The following RAVER1 variants were observed in gnomAD, a reference collection of about 807,000 sequenced individuals.
RAVER1 encodes the protein ribonucleoprotein PTB-binding 1.
In RAVER1, 36 loss-of-function variants were observed where a neutral mutation model predicts 68.4. That is an observed-to-expected ratio of 0.53 (90% CI 0.40 to 0.70). The LOEUF is 0.70. Ranked by LOEUF, RAVER1 falls within the 30% of genes least tolerant of loss-of-function variation. The pLI is 0.00. For synonymous variants in RAVER1, 469 were observed against 472.7 expected (o/e 0.99, Z 0.10); for missense variants, 933 against 1,019.8 (o/e 0.91, Z 1.16).
chr19:10,318,289 C>T lies in RAVER1; in HGVS notation c.1929G>A (p.Ser643=), dbSNP rs753160755. ...GGPLSHFYSG[S]PTSYFTSGLQ... Reference sequence around the variant, plus strand: ...GGCCGCTGGTGAAGTAGGAAGTGGGCGAGCCTGAATAGAAGTGAGACAGGG... The same window carrying T: ...GGCCGCTGGTGAAGTAGGAAGTGGGTGAGCCTGAATAGAAGTGAGACAGGG... Residue 643 remains serine (S), a synonymous_variant, in exon 11 of 13, where the codon TCG becomes TCA. Coordinates refer to ENST00000617231, the MANE Select transcript of RAVER1 (RefSeq NM_133452.3). 7.5e-6 allele frequency: 12 copies of T among 1,602,316 alleles called. No homozygotes were observed. Among genetic ancestry groups the T allele is most frequent in the South Asian group, 2.2e-5 (2 of 89,602 alleles).
chr19:10,325,830 G>A (rs2040470664), intron 3 of RAVER1, among the ~76,000 whole-genome samples: 1 of 152,064 alleles, frequency 6.6e-6, no homozygotes, highest in Non-Finnish European at 1.5e-5. Flanking sequence ...ATGTTCGAGT[G>A]GAGGAATGAA....
chr19:10,318,139 G>T (rs1296790397), intron 11 of RAVER1, 90 bp downstream of exon 11: 2 of 1,184,754 alleles, frequency 1.7e-6, no homozygotes, highest in Non-Finnish European at 2.4e-6. Flanking sequence ...GCTTTGGCCT[G>T]GGCACCGAGG....
Position 10,317,303 on chromosome 19 carries a change from T to C in RAVER1, c.*151A>G, listed in dbSNP as rs2040396895. On this transcript the variant is annotated 3_prime_UTR_variant, in exon 13 of 13. Coordinates refer to ENST00000617231, the MANE Select transcript of RAVER1 (RefSeq NM_133452.3). The surrounding 1 kb of genome is among the most constrained non-coding windows in gnomAD (Gnocchi z 4.3). ...GACTCCCCCACACCCCTTGGGCTCC[T>C]GGGGCTCCGGCTGATTGGTCAGTAA... 2.4e-6 allele frequency: 2 copies of C among 842,964 alleles called. No individual in the cohort carries two copies. Among genetic ancestry groups the C allele is most frequent in the East Asian group, 2.6e-5 (1 of 38,300 alleles). The allele number at this position is 842,964 out of a possible 1,614,324, so 52.2% of individuals were successfully genotyped here.
rs377411099 is a variant in RAVER1, at chr19:10,323,531, G to A, written c.792C>T (p.Phe264=). 73 of 1,603,764 alleles carry A rather than the reference G, an allele frequency of 4.6e-5. No individual in the cohort carries two copies. The highest frequency in any genetic ancestry group is 6.7e-5 in the East Asian group (3 of 44,772). ...ACGQDGQLKG[F]AVLEYETAEM... Reference sequence around the variant, plus strand: ...CAGCCGTCTCATACTCCAGCACCGCGAAGCCCTTCAGCTGCCCATCCTGGC... The same window carrying A: ...CAGCCGTCTCATACTCCAGCACCGCAAAGCCCTTCAGCTGCCCATCCTGGC... The change falls in exon 4 of 13, where the codon TTC becomes TTT. Residue 264 remains phenylalanine (F), a synonymous_variant. Coordinates refer to ENST00000617231, the MANE Select transcript of RAVER1 (RefSeq NM_133452.3). The surrounding 1 kb of genome is among the most constrained non-coding windows in gnomAD (Gnocchi z 6.2).
In RAVER1 at chr19:10,333,276, C is replaced by T; in HGVS notation, c.219+13G>A. The T allele has an allele frequency of 6.3e-7, 1 of 1,597,850 alleles. No individual in the cohort carries two copies. Among genetic ancestry groups the T allele is most frequent in the Non-Finnish European group, 8.5e-7 (1 of 1,171,040 alleles). On this transcript the variant is annotated intron_variant, in intron 1 of 12. Transcript: ENST00000617231. This position sits in a 1 kb window ranked among gnomAD's most constrained non-coding sequence, Gnocchi z 4.2. ...TATTTCCCGCCACGCTCCTACACCG[C>T]CCCCCCCAATACCTGGTTGGTCACG...
chr19:10,328,201 T>A lies in RAVER1; in HGVS notation c.756+441A>T, dbSNP rs182298538. ...GGTGAGTGGTGAGCAAGCCTCGAGATCCATAGTTACAAGAGTGGCCTTGCA... is the reference window on the plus strand; with the variant it reads ...GGTGAGTGGTGAGCAAGCCTCGAGAACCATAGTTACAAGAGTGGCCTTGCA... On this transcript the variant is annotated intron_variant, in intron 3 of 12. Transcript: ENST00000617231. This position sits in a 1 kb window ranked among gnomAD's most constrained non-coding sequence, Gnocchi z 4.4. Among the ~76,000 whole-genome samples, 1 of 151,946 alleles carries A rather than the reference T, an allele frequency of 6.6e-6. No individual in the cohort carries two copies. Among genetic ancestry groups the A allele is most frequent in the African/African-American group, 2.4e-5 (1 of 41,356 alleles).
In RAVER1 at chr19:10,319,185, T is replaced by A. The variant is rs972544150; in HGVS notation, c.1826A>T (p.His609Leu). ...SHPREPALGP[H>L]GPSRHKMSPP... ...TCTTACCTTGTGTCGGCTGGGTCCG[T>A]GAGGCCCAAGGGCTGGTTCCCGTGG... The change falls in exon 10 of 13, where the codon CAC becomes CTC. Residue 609 changes from histidine (H) to leucine (L), a missense_variant. Coordinates refer to ENST00000617231, the MANE Select transcript of RAVER1 (RefSeq NM_133452.3). 1.9e-6 allele frequency: 3 copies of A among 1,613,732 alleles called. No individual in the cohort carries two copies. Among genetic ancestry groups the A allele is most frequent in the Non-Finnish European group, 2.5e-6 (3 of 1,179,780 alleles).
At chr19:10,330,309 G>T in intron 2 of RAVER1, 151 bp downstream of exon 2, 2 of 577,714 alleles carry the variant, frequency 3.5e-6, no homozygotes, top group South Asian at 2.1e-5. Context: ...GTCCCAAGAT[G>T]ACAGGATGAC....
rs780925201 is a variant in RAVER1 at position 10,320,755 on chromosome 19, T to TTGC, written c.1667_1669dup (p.Ser556dup). The stretch of plus-strand genomic sequence containing the variant: ...CAGGCGGGACTTGAGCTGGAAGGCT[T>TTGC]TGCTGCTGCTGCTGCCACCTCCAGG... On this transcript the variant is annotated inframe_insertion, in exon 9 of 13. Coordinates refer to ENST00000617231, the MANE Select transcript of RAVER1 (RefSeq NM_133452.3). The TTGC allele has an allele frequency of 4.0e-6, 6 of 1,510,510 alleles. No homozygotes were observed. The highest frequency in any genetic ancestry group is 5.3e-6 in the Non-Finnish European group (6 of 1,139,152). The allele number at this position is 1,510,510 out of a possible 1,614,324, so 93.6% of individuals were successfully genotyped here. A position where few individuals can be genotyped will look rare whatever the true frequency, so the allele number is the denominator to read the frequency against.
At chr19:10,330,363 C>A in intron 2 of RAVER1, 97 bp downstream of exon 2, 3 of 654,840 alleles carry the variant, frequency 4.6e-6, no homozygotes, top group Non-Finnish European at 8.4e-6. Flanking sequence ...GGGGGCAATA[C>A]TGGGCCTGAA....
Position 10,322,710 on chromosome 19 carries a change from G to A in RAVER1, c.1108C>T (p.Leu370=). Residue 370 remains leucine (L), a synonymous_variant, in exon 6 of 13, where the codon CTG becomes TTG. Transcript: ENST00000617231. The surrounding 1 kb of genome is among the most constrained non-coding windows in gnomAD (Gnocchi z 4.3). ...GLLGAPPAMP[L]LNGPALSTAL... ...GTGGACAGGGCTGGCCCATTGAGCA[G>A]CGGCATGGCTGGGGGGGCACCCAGG... 1.3e-6 allele frequency: 2 copies of A among 1,524,966 alleles called. No individual in the cohort carries two copies. The highest frequency in any genetic ancestry group is 1.4e-5 in the African/African-American group (1 of 69,836). The allele number at this position is 1,524,966 out of a possible 1,614,324, so 94.5% of individuals were successfully genotyped here.
Position 10,316,347 on chromosome 19 carries a change from G to A in RAVER1, c.*1107C>T. ...TCAAGGGAGGGAAGCTGGTGGCCCA[G>A]TTGGCTGGGGGCAAGGCCCAGGGTC... is the stretch of plus-strand genomic sequence containing the variant. On this transcript the variant is annotated 3_prime_UTR_variant, in exon 13 of 13. Coordinates refer to ENST00000617231, the MANE Select transcript of RAVER1 (RefSeq NM_133452.3). 8.9e-7 allele frequency: 1 copy of A among 1,120,842 alleles called. No individual in the cohort carries two copies. Among genetic ancestry groups the A allele is most frequent in the Non-Finnish European group, 1.1e-6 (1 of 914,984 alleles). 69.4% of individuals were successfully genotyped at this position (1,120,842 alleles called of 1,614,324 possible).
Position 10,322,806 on chromosome 19 carries a change from A to G in RAVER1, c.1079-67T>C. The G allele has an allele frequency of 1.1e-6, 1 of 931,034 alleles. No homozygotes were observed. Among genetic ancestry groups the G allele is most frequent in the Non-Finnish European group, 1.5e-6 (1 of 660,866 alleles). The allele number at this position is 931,034 out of a possible 1,614,324, so 57.7% of individuals were successfully genotyped here. On this transcript the variant is annotated intron_variant, in intron 5 of 12. Transcript: ENST00000617231. This position sits in a 1 kb window ranked among gnomAD's most constrained non-coding sequence, Gnocchi z 4.3. ...CTCCCTGCCCCACCTCACGAAACAC[A>G]GCCCTGAACCCATTGATGGGGCAGG...
Position 10,333,129 on chromosome 19 carries a change from C to A in RAVER1, c.219+160G>T, listed in dbSNP as rs1279670596. On this transcript the variant is annotated intron_variant, in intron 1 of 12. Transcript: ENST00000617231. The surrounding 1 kb of genome is among the most constrained non-coding windows in gnomAD (Gnocchi z 4.2). The stretch of plus-strand genomic sequence containing the variant: ...GTTTCCCCTTTCATCATCGCCCCCC[C>A]ACGTCCCGCTCTTGGTCTCTCCCGA... Among the ~76,000 whole-genome samples, 2 of 152,214 alleles carry A rather than the reference C, an allele frequency of 1.3e-5. No individual in the cohort carries two copies. The highest frequency in any genetic ancestry group is 2.9e-5 in the Non-Finnish European group (2 of 68,038).
chr19:10,317,052 T>TAAA lies in RAVER1; in HGVS notation c.*399_*401dup. On this transcript the variant is annotated 3_prime_UTR_variant, in exon 13 of 13. Transcript: ENST00000617231. The surrounding 1 kb of genome is among the most constrained non-coding windows in gnomAD (Gnocchi z 4.3). The stretch of plus-strand genomic sequence containing the variant: ...GGAAACAGAAGTCAGTTGTCAAAGT[T>TAAA]AAAAAAAAAGGAGACAGTCTCTGTA... 1 of 216,986 alleles carries TAAA rather than the reference T, an allele frequency of 4.6e-6. No homozygotes were observed. 13.4% of individuals were successfully genotyped at this position (216,986 alleles called of 1,614,324 possible).
chr19:10,319,318 G>A, intron 9 of RAVER1, 78 bp from the exon 10 acceptor site: 7 of 1,430,366 alleles, frequency 4.9e-6, no homozygotes, highest in Non-Finnish European at 6.8e-6. Context: ...TGGCAGAGCT[G>A]TCATCAGGGA....
In RAVER1 at chr19:10,322,752, A is replaced by G. The variant is rs200328032; in HGVS notation, c.1079-13T>C. ...GCACCCAGGAGGCCTGGAGGGAGAC[A>G]TAGGAGGATGTGTGGGGGTCCCTGT... On this transcript the variant is annotated splice_polypyrimidine_tract_variant and intron_variant, in intron 5 of 12. Coordinates refer to ENST00000617231, the MANE Select transcript of RAVER1 (RefSeq NM_133452.3). This position sits in a 1 kb window ranked among gnomAD's most constrained non-coding sequence, Gnocchi z 4.3. 13 of 1,445,800 alleles carry G rather than the reference A, an allele frequency of 9.0e-6. No individual in the cohort carries two copies. Among genetic ancestry groups the G allele is most frequent in the Non-Finnish European group, 1.1e-5 (12 of 1,096,866 alleles). The allele number at this position is 1,445,800 out of a possible 1,614,324, so 89.6% of individuals were successfully genotyped here.
rs890545670 is a variant in RAVER1 at position 10,317,377 on chromosome 19, A to G, written c.*77T>C. ...ACCGAAAGAGAGAAAATGGTTTAAA[A>G]AAAACACAAAACAAAACATCAGAAA... is the stretch of plus-strand genomic sequence containing the variant. On this transcript the variant is annotated 3_prime_UTR_variant, in exon 13 of 13. Transcript: ENST00000617231. This position sits in a 1 kb window ranked among gnomAD's most constrained non-coding sequence, Gnocchi z 4.3. 1.7e-5 allele frequency: 25 copies of G among 1,495,154 alleles called. No homozygotes were observed. In the Admixed American group the frequency reaches 2.5e-4, roughly 15 times the overall value. The allele number at this position is 1,495,154 out of a possible 1,614,324, so 92.6% of individuals were successfully genotyped here.
intron 9 of RAVER1, 50 bp from the exon 10 acceptor site, chr19:10,319,290 A>C: frequency 6.4e-7 from 1 of 1,566,190 alleles, no homozygotes; most frequent in Non-Finnish European, 8.8e-7. Flanking sequence ...TCCCAGCCTC[A>C]CCCCTGGCTG....
Sources: allele counts gnomAD v4.1 joint callset (sites outside exome capture counted in the v4.1 genomes callset), GRCh38; gene constraint gnomAD v4.1.1; non-coding constraint Gnocchi (gnomAD v3.1); transcripts MANE v1.5; gene names NCBI Gene and HGNC (gene_info 2026-07-23, HGNC 2026-07-21).